The following CCDC170 variants were observed in gnomAD, a reference collection of about 807,000 sequenced individuals.
CCDC170 encodes the protein coiled-coil domain containing 170, also known as coiled-coil domain-containing protein 170.
Under a neutral mutation model 72.6 loss-of-function variants are expected in CCDC170, and 69 were observed. The ratio of observed to expected loss-of-function variants is 0.95; its 90% CI spans 0.78 to 1.16. The LOEUF is 1.16. Ranked by LOEUF, CCDC170 falls within the 50% of genes most tolerant of loss-of-function variation. The pLI is 0.00. For synonymous variants in CCDC170, 300 were observed against 303.9 expected, an observed-to-expected ratio of 0.99 and a Z score of 0.13; for missense variants, 852 against 832.5, an observed-to-expected ratio of 1.02 and a Z score of -0.29.
chr6:151,596,567 A>G lies in CCDC170; in HGVS notation c.1700A>G (p.Asn567Ser), dbSNP rs375012599. The change falls in exon 9 of 11, where the codon AAT becomes AGT. Residue 567 changes from asparagine to serine, a missense_variant. By Grantham distance (46) the Asn-to-Ser change is conservative. Transcript: ENST00000239374. Reference protein sequence around the residue: ...TELKAKLADTNELKIKTLEQT... With the variant: ...TELKAKLADTSELKIKTLEQT... ...CTCAAAGCCAAACTGGCCGACACCA[A>G]TGAACTGAAGGCAAGTGCTTGGCTT... 47 of 1,613,984 alleles carry G rather than the reference A, an allele frequency of 2.9e-5. No homozygotes were observed. Among genetic ancestry groups the G allele is most frequent in the Non-Finnish European group, 3.6e-5 (43 of 1,179,964 alleles).
At chr6:151,499,410 CGCTGT>C in intron 1 of CCDC170, among the ~76,000 whole-genome samples, 1 of 132,372 alleles carries the variant, frequency 7.6e-6, no homozygotes, top group African/African-American at 3.2e-5. Context: ...CTTCTAGGCA[CGCTGT>C]ATAAGTGGAA....
chr6:151,498,736 A>C (rs1403734671), intron 1 of CCDC170, among the ~76,000 whole-genome samples: 1 of 152,018 alleles, frequency 6.6e-6, no homozygotes, highest in East Asian at 1.9e-4. Context: ...GTATAAGTGG[A>C]ATCAGACTGT....
intron 2 of CCDC170, among the ~76,000 whole-genome samples, chr6:151,537,413 G>A (rs934495332): frequency 6.6e-6 from 1 of 151,528 alleles, no homozygotes; most frequent in African/African-American, 2.4e-5. Context: ...TTTCTCATAG[G>A]GTAGATCTGA....
intron 1 of CCDC170, among the ~76,000 whole-genome samples, chr6:151,514,347 G>A (rs1036896312): frequency 2.8e-5 from 3 of 105,496 alleles, no homozygotes; most frequent in African/African-American, 1.4e-4. Context: ...GAGGGAGGGA[G>A]GGAGGGAGGG....
At chr6:151,509,928 G>A (rs1338956771) in intron 1 of CCDC170, among the ~76,000 whole-genome samples, 1 of 152,062 alleles carries the variant, frequency 6.6e-6, no homozygotes, top group Non-Finnish European at 1.5e-5. Context: ...TTCCAGACCA[G>A]CCTGGCCAAC....
chr6:151,510,956 G>A (rs756117427), intron 1 of CCDC170, among the ~76,000 whole-genome samples: 2 of 152,068 alleles, frequency 1.3e-5, no homozygotes, highest in African/African-American at 4.8e-5. Context: ...GGCTGGTCTC[G>A]AACTCCAGAC....
chr6:151,583,910 A>G (rs1776414164), intron 6 of CCDC170, among the ~76,000 whole-genome samples: 1 of 152,228 alleles, frequency 6.6e-6, no homozygotes, highest in Admixed American at 6.5e-5. Flanking sequence ...CACATGTATC[A>G]TTTAAGTTCA....
At chr6:151,582,598 G>A (rs1199364595) in intron 6 of CCDC170, among the ~76,000 whole-genome samples, 1 of 152,164 alleles carries the variant, frequency 6.6e-6, no homozygotes, top group South Asian at 2.1e-4. Context: ...CTGAGGCTGA[G>A]TAATTGATAA....
chr6:151,559,903 T>C (rs895692124), intron 5 of CCDC170, among the ~76,000 whole-genome samples: 45 of 145,210 alleles, frequency 3.1e-4, no homozygotes, highest in African/African-American at 1.0e-3. Context: ...AGAAACTTTT[T>C]ATGTTGCTCA....
chr6:151,566,224 G>A (rs1776134887), intron 5 of CCDC170, among the ~76,000 whole-genome samples: 1 of 152,080 alleles, frequency 6.6e-6, no homozygotes, highest in Non-Finnish European at 1.5e-5. Flanking sequence ...CCATTCTATT[G>A]GCTCATGGGC....
chr6:151,525,526 A>G (rs934563736), intron 1 of CCDC170, among the ~76,000 whole-genome samples: 1 of 152,124 alleles, frequency 6.6e-6, no homozygotes, highest in Non-Finnish European at 1.5e-5. Flanking sequence ...CCCACCCTTA[A>G]GAAGGTACTT....
intron 5 of CCDC170, among the ~76,000 whole-genome samples, chr6:151,571,321 A>ATTT (rs11428711): frequency 1.3e-5 from 2 of 149,564 alleles, no homozygotes; most frequent in African/African-American, 2.4e-5. Flanking sequence ...ATTTTTAATA[A>ATTT]TTTTTTTTTT....
intron 5 of CCDC170, among the ~76,000 whole-genome samples, chr6:151,565,019 G>C (rs1025780559): frequency 2.6e-5 from 4 of 152,204 alleles, no homozygotes; most frequent in African/African-American, 7.2e-5. Flanking sequence ...TTTGGCCCCA[G>C]TTGGCACCTA....
At position 151,619,850 on chromosome 6, in the gene CCDC170, A is replaced by T. The variant is rs1473928111; in HGVS notation, c.*1703A>T. On this transcript the variant is annotated 3_prime_UTR_variant, in exon 11 of 11. Coordinates refer to ENST00000239374, the MANE Select transcript of CCDC170 (RefSeq NM_025059.4). Reference sequence around the variant, plus strand: ...ACAACAACAACAAAAAGTCAAAGTCATAATAAGCAAATTATTGGCTTCTTT... The same window carrying T: ...ACAACAACAACAAAAAGTCAAAGTCTTAATAAGCAAATTATTGGCTTCTTT... The T allele has an allele frequency of 6.6e-6, 1 of 152,180 alleles. No individual in the cohort carries two copies. The highest frequency in any genetic ancestry group is 1.5e-5 in the Non-Finnish European group (1 of 68,036). The allele number at this position is 152,180 out of a possible 1,614,324, so 9.4% of individuals were successfully genotyped here.
At chr6:151,617,408 C>CTTTTTTTTTTTT (rs745655791) in intron 10 of CCDC170, among the ~76,000 whole-genome samples, 9 of 91,470 alleles carry the variant, frequency 9.8e-5, no homozygotes, top group Non-Finnish European at 1.5e-4. Flanking sequence ...GCTGTTTGTT[C>CTTTTTTTTTTTT]TTTTTTTTTT....
chr6:151,500,692 A>C (rs1037842307), intron 1 of CCDC170, among the ~76,000 whole-genome samples: 10 of 152,154 alleles, frequency 6.6e-5, no homozygotes, highest in African/African-American at 2.4e-4. Context: ...AAAGAGAGTC[A>C]CTAAATAATG....
intron 1 of CCDC170, among the ~76,000 whole-genome samples, chr6:151,519,461 CA>C (rs1292401370): frequency 6.6e-6 from 1 of 152,130 alleles, no homozygotes; most frequent in Non-Finnish European, 1.5e-5. Flanking sequence ...ATTGTTCAAA[CA>C]CATATGTTTT....
intron 6 of CCDC170, among the ~76,000 whole-genome samples, chr6:151,577,733 G>C (rs1436813881): frequency 1.3e-5 from 2 of 152,222 alleles, no homozygotes; most frequent in Non-Finnish European, 2.9e-5. Flanking sequence ...GGAGGTGAGC[G>C]GTGGGCGAGC....
At chr6:151,615,812 T>C in intron 10 of CCDC170, 133 bp downstream of exon 10, 1 of 708,924 alleles carries the variant, frequency 1.4e-6, no homozygotes, top group Non-Finnish European at 2.4e-6. Flanking sequence ...TGTCATCGTT[T>C]TACGAGGGCC....
Sources: gnomAD v4.1 joint callset for allele counts (sites outside exome capture counted in the v4.1 genomes callset) on GRCh38, gnomAD v4.1.1 for gene constraint, MANE v1.5 for transcripts, NCBI Gene and HGNC (gene_info 2026-07-23, HGNC 2026-07-21) for gene names.